Variants in TAFA1 observed in about 807,000 individuals in gnomAD.
TAFA1 encodes TAFA chemokine like family member 1, also known as chemokine-like protein TAFA-1.
Under a neutral mutation model 18.5 loss-of-function variants are expected in TAFA1, and 4 were observed. The ratio of observed to expected loss-of-function variants is 0.22; its 90% confidence interval spans 0.11 to 0.49. The LOEUF (loss-of-function observed/expected upper bound fraction) is 0.49, where lower values mean the gene tolerates loss of function less well. Ranked by LOEUF, TAFA1 falls within the 20% of genes least tolerant of loss-of-function variation. The pLI, the probability that TAFA1 is intolerant of heterozygous loss-of-function variation, is 0.98. For synonymous variants in TAFA1, 56 were observed against 55.2 expected, an observed-to-expected ratio of 1.01 and a Z score of -0.06; for missense variants, 147 against 169.0, an observed-to-expected ratio of 0.87 and a Z score of 0.72.
chr3:68,538,662 T>G, intron 3 of TAFA1, 94 bp from the exon 4 acceptor site: 1 of 1,306,854 alleles, frequency 7.7e-7, no homozygotes, highest in South Asian at 1.3e-5. Flanking sequence ...CTTAGTGTGC[T>G]TCCAAGAACG....
At chr3:68,108,238 T>TAC (rs2065225081) in intron 2 of TAFA1, among the ~76,000 whole-genome samples, 1 of 152,118 alleles carries the variant, frequency 6.6e-6, no homozygotes, top group Admixed American at 6.6e-5. Context: ...TAGAAACTTG[T>TAC]TAGATAAGAG....
chr3:68,467,206 A>G (rs1441836998), intron 3 of TAFA1, among the ~76,000 whole-genome samples: 1 of 152,184 alleles, frequency 6.6e-6, no homozygotes, highest in Non-Finnish European at 1.5e-5. Flanking sequence ...CACATGCTTT[A>G]CGAACAATTT....
At chr3:68,143,773 A>G (rs149995973) in intron 2 of TAFA1, among the ~76,000 whole-genome samples, 2,135 of 152,302 alleles carry the variant, frequency 0.014, 59 homozygotes, top group African/African-American at 0.049. Flanking sequence ...CTTGTTTTAA[A>G]TTAATAGAGA....
intron 2 of TAFA1, among the ~76,000 whole-genome samples, chr3:68,026,285 G>A (rs188181788): frequency 4.0e-5 from 6 of 151,804 alleles, no homozygotes; most frequent in African/African-American, 1.2e-4. Flanking sequence ...GTCCAGCAGC[G>A]GGGGAATGAG....
At chr3:68,514,271 C>T (rs1158537348) in intron 3 of TAFA1, among the ~76,000 whole-genome samples, 1 of 152,094 alleles carries the variant, frequency 6.6e-6, no homozygotes, top group African/African-American at 2.4e-5. Context: ...ACTGAGAGCC[C>T]TTCTATATAG....
intron 3 of TAFA1, among the ~76,000 whole-genome samples, chr3:68,460,859 G>C (rs2071763480): frequency 6.6e-6 from 1 of 152,190 alleles, no homozygotes; most frequent in African/African-American, 2.4e-5. Flanking sequence ...CATTAGACTA[G>C]AACTTTTCCT....
At chr3:68,071,561 G>T (rs6763237) in intron 2 of TAFA1, among the ~76,000 whole-genome samples, 1 of 152,172 alleles carries the variant, frequency 6.6e-6, no homozygotes, top group Admixed American at 6.5e-5. Context: ...CAGAACTCTG[G>T]AGCCAGGGAG....
intron 2 of TAFA1, among the ~76,000 whole-genome samples, chr3:68,128,033 C>T (rs1316109148): frequency 6.6e-6 from 1 of 150,692 alleles, no homozygotes; most frequent in Admixed American, 6.6e-5. Flanking sequence ...GGTTCGGAAG[C>T]TCTACCTCTC....
intron 3 of TAFA1, among the ~76,000 whole-genome samples, chr3:68,477,815 C>G (rs1005577209): frequency 4.6e-5 from 7 of 152,076 alleles, no homozygotes; most frequent in African/African-American, 1.4e-4. Flanking sequence ...TCTACCAATA[C>G]TTGGTATTAT....
At chr3:67,999,104 A>G in the TAFA1 span, among the ~76,000 whole-genome samples, 6 of 152,182 alleles carry the variant, frequency 3.9e-5, no homozygotes, top group Admixed American at 3.9e-4. Context: ...AGATGTGGCT[A>G]TTTAAATTTA....
At chr3:68,471,558 A>C (rs1318262447) in intron 3 of TAFA1, among the ~76,000 whole-genome samples, 4 of 152,124 alleles carry the variant, frequency 2.6e-5, no homozygotes, top group Non-Finnish European at 5.9e-5. Flanking sequence ...CCGACGTTCA[A>C]GGGCAAGAAG....
At position 68,488,892 on chromosome 3, in the gene TAFA1, G is replaced by A. The variant is rs567264861; in HGVS notation, c.260-49864G>A. Among the ~76,000 whole-genome samples, 3 of 152,250 alleles carry A rather than the reference G, an allele frequency of 2.0e-5. 1 individual carries two copies. The South Asian group carries it at 6.2e-4, about 32-fold the overall frequency. On this transcript the variant is annotated intron_variant, in intron 3 of 4. Transcript: ENST00000478136. ...AATCACCTCATAGGGTTATTATGAG[G>A]ATTAAGTGAACATGTGGCTCTGTTA...
chr3:68,463,068 C>T (rs892447162), intron 3 of TAFA1, among the ~76,000 whole-genome samples: 1 of 152,116 alleles, frequency 6.6e-6, no homozygotes, highest in Non-Finnish European at 1.5e-5. Context: ...CTTGTGTGAT[C>T]CCTAGTTCTT....
At chr3:68,310,976 G>C (rs2068506700) in intron 2 of TAFA1, among the ~76,000 whole-genome samples, 1 of 152,212 alleles carries the variant, frequency 6.6e-6, no homozygotes, top group African/African-American at 2.4e-5. Context: ...AAAAGAAAGA[G>C]GTTTAATTGG....
At chr3:68,407,105 G>C (rs547078149) in intron 2 of TAFA1, among the ~76,000 whole-genome samples, 1 of 152,198 alleles carries the variant, frequency 6.6e-6, no homozygotes, top group African/African-American at 2.4e-5. Context: ...CCTGGAATGA[G>C]AGTAGAAAGG....
intron 2 of TAFA1, among the ~76,000 whole-genome samples, chr3:68,177,047 A>T (rs146961100): frequency 6.9e-4 from 105 of 152,312 alleles, no homozygotes; most frequent in African/African-American, 2.3e-3. Context: ...GACCTTACTG[A>T]AACTGTAAAT....
chr3:68,200,963 CT>C (rs71112623), intron 2 of TAFA1, among the ~76,000 whole-genome samples: 21,908 of 151,426 alleles, frequency 0.14, 1,886 homozygotes, highest in Middle Eastern at 0.2. Context: ...GATTTTAGAT[CT>C]TTTAAAATTT....
At chr3:68,509,570 G>A (rs1381351079) in intron 3 of TAFA1, among the ~76,000 whole-genome samples, 1 of 152,048 alleles carries the variant, frequency 6.6e-6, no homozygotes, top group Non-Finnish European at 1.5e-5. Flanking sequence ...TATGGGCAAG[G>A]ACTAGTAGAA....
chr3:68,429,741 C>T (rs1325677822), intron 3 of TAFA1, among the ~76,000 whole-genome samples: 1 of 151,834 alleles, frequency 6.6e-6, no homozygotes, highest in Non-Finnish European at 1.5e-5. Context: ...GATTGAAATG[C>T]ATCCTCAAAA....
Sources: gnomAD v4.1 joint callset for allele counts (sites outside exome capture counted in the v4.1 genomes callset) on GRCh38, gnomAD v4.1.1 for gene constraint, MANE v1.5 for transcripts, NCBI Gene and HGNC (gene_info 2026-07-23, HGNC 2026-07-21) for gene names.